The following TRAPPC6A variants were observed in gnomAD, a reference collection of about 807,000 sequenced individuals.
TRAPPC6A encodes the protein trafficking protein particle complex subunit 6A.
In TRAPPC6A, 25 loss-of-function variants were observed where a neutral mutation model predicts 20.8. That is an observed-to-expected ratio of 1.20 (90% CI 0.88 to 1.68). The LOEUF is 1.68. Among genes scored for constraint, TRAPPC6A ranks in the 40% most tolerant of loss-of-function variants. The pLI is 0.00. For missense variants in TRAPPC6A, 215 were observed against 211.6 expected (o/e 1.02, Z -0.10); for synonymous variants, 96 against 93.3 (o/e 1.03, Z -0.16).
rs1343801174 is a variant in TRAPPC6A at position 45,163,533 on chromosome 19, G to A, written c.449-310C>T. On this transcript the variant is annotated intron_variant, in intron 5 of 5. Coordinates refer to ENST00000585934, the MANE Select transcript of TRAPPC6A (RefSeq NM_001270891.2). The surrounding 1 kb of genome is among the most constrained non-coding windows in gnomAD (Gnocchi z 5.3). Reference sequence around the variant, plus strand: ...ACCGGCAGAGGCAAAATAACTGAAGGTGGGGGAGGTGGTGGGGCAGGCTGT... The same window carrying A: ...ACCGGCAGAGGCAAAATAACTGAAGATGGGGGAGGTGGTGGGGCAGGCTGT... Among the ~76,000 whole-genome samples, 2 of 152,098 alleles carry A rather than the reference G, an allele frequency of 1.3e-5. No homozygotes were observed. Among genetic ancestry groups the A allele is most frequent in the African/African-American group, 4.8e-5 (2 of 41,434 alleles).
At chr19:45,169,183 C>T (rs1000988871) in intron 1 of TRAPPC6A, among the ~76,000 whole-genome samples, 2 of 152,200 alleles carry the variant, frequency 1.3e-5, no homozygotes, top group South Asian at 2.1e-4. Context: ...GCACTACCAG[C>T]GGCGCAGGTG....
Position 45,172,083 on chromosome 19 carries a change from T to C in TRAPPC6A, c.84+6052A>G, listed in dbSNP as rs989687156. 4.6e-5 allele frequency among the ~76,000 whole-genome samples: 7 copies of C among 151,810 alleles called. No homozygotes were observed. The highest frequency in any genetic ancestry group is 1.7e-4 in the African/African-American group (7 of 41,226). On this transcript the variant is annotated intron_variant, in intron 1 of 5. Coordinates refer to ENST00000585934, the MANE Select transcript of TRAPPC6A (RefSeq NM_001270891.2). This position sits in a 1 kb window ranked among gnomAD's most constrained non-coding sequence, Gnocchi z 4.2. ...CCTTCCTGGCCCCTCTGGCCGGTCCTCCAGTTCACAACCTGTGACAGCCCA... is the reference window on the plus strand; with the variant it reads ...CCTTCCTGGCCCCTCTGGCCGGTCCCCCAGTTCACAACCTGTGACAGCCCA...
intron 1 of TRAPPC6A, among the ~76,000 whole-genome samples, chr19:45,167,237 T>A (rs73564240): frequency 6.6e-6 from 1 of 152,114 alleles, no homozygotes; most frequent in Non-Finnish European, 1.5e-5. Context: ...CGTAAGTCCT[T>A]ACCTAATGCT....
chr19:45,165,020 G>A, intron 2 of TRAPPC6A, 50 bp from the exon 3 acceptor site: 2 of 1,610,018 alleles, frequency 1.2e-6, no homozygotes, highest in Non-Finnish European at 1.7e-6. Context: ...CAGGAAGAGG[G>A]AGGAAGACAG....
At chr19:45,168,272 G>C (rs1969201373) in intron 1 of TRAPPC6A, among the ~76,000 whole-genome samples, 1 of 151,986 alleles carries the variant, frequency 6.6e-6, no homozygotes, top group South Asian at 2.1e-4. Context: ...CAAAGTGCTG[G>C]GATTATAGGC....
chr19:45,167,228 G>A (rs538153141), intron 1 of TRAPPC6A, among the ~76,000 whole-genome samples: 3 of 152,232 alleles, frequency 2.0e-5, no homozygotes, highest in Non-Finnish European at 2.9e-5. Context: ...AAAGGACACC[G>A]TAAGTCCTTA....
At position 45,173,496 on chromosome 19, in the gene TRAPPC6A, G is replaced by A. The variant is rs993307265; in HGVS notation, c.84+4639C>T. 1.8e-4 allele frequency among the ~76,000 whole-genome samples: 27 copies of A among 152,338 alleles called. No homozygotes were observed. The highest frequency in any genetic ancestry group is 6.3e-4 in the African/African-American group (26 of 41,582). ...AGAAGCCCTGGGGCCAGAAGCCTGA[G>A]TTCTAATTTTGCCTTTGAGTCTTGC... On this transcript the variant is annotated intron_variant, in intron 1 of 5. Coordinates refer to ENST00000585934, the MANE Select transcript of TRAPPC6A (RefSeq NM_001270891.2). This position sits in a 1 kb window ranked among gnomAD's most constrained non-coding sequence, Gnocchi z 4.8.
At chr19:45,177,396 A>C (rs956591198) in intron 1 of TRAPPC6A, among the ~76,000 whole-genome samples, 1 of 151,854 alleles carries the variant, frequency 6.6e-6, no homozygotes, top group African/African-American at 2.4e-5. Context: ...GCTGGAGTGC[A>C]ATGGCACAAT....
chr19:45,178,055 G>A (rs758073186), intron 1 of TRAPPC6A, 80 bp downstream of exon 1: 5 of 1,600,894 alleles, frequency 3.1e-6, no homozygotes, highest in Non-Finnish European at 4.3e-6. Flanking sequence ...TTCGAACCCG[G>A]ACGCCTGACG....
intron 1 of TRAPPC6A, among the ~76,000 whole-genome samples, chr19:45,165,453 T>G (rs1019323603): frequency 6.6e-6 from 1 of 152,222 alleles, no homozygotes; most frequent in Non-Finnish European, 1.5e-5. Flanking sequence ...CAGCTCCCCC[T>G]TCCCTCAGGA....
chr19:45,178,195 C>A lies in TRAPPC6A; in HGVS notation c.24G>T (p.Glu8Asp). The A allele has an allele frequency of 6.2e-7, 1 of 1,611,058 alleles. No homozygotes were observed. Among genetic ancestry groups the A allele is most frequent in the Non-Finnish European group, 8.5e-7 (1 of 1,177,802 alleles). Residue 8 changes from glutamate (E) to aspartate (D), a missense_variant, in exon 1 of 6, where the codon GAG becomes GAT. Coordinates refer to ENST00000585934, the MANE Select transcript of TRAPPC6A (RefSeq NM_001270891.2). MADTVLFEFLHTEMVAEL... is the reference protein window; with the variant it reads MADTVLFDFLHTEMVAEL... ...CAGCCACCATCTCCGTGTGAAGAAA[C>A]TCAAACAACACAGTATCCGCCATGC...
In TRAPPC6A at chr19:45,162,965, T is replaced by TG. The variant is rs1599728438; in HGVS notation, c.*226dup. 2.3e-6 allele frequency: 1 copy of TG among 430,700 alleles called. No homozygotes were observed. The highest frequency in any genetic ancestry group is 3.6e-5 in the East Asian group (1 of 27,634). The allele number at this position is 430,700 out of a possible 1,614,324, so 26.7% of individuals were successfully genotyped here. A position where few individuals can be genotyped will look rare whatever the true frequency, so the allele number is the denominator to read the frequency against. On this transcript the variant is annotated 3_prime_UTR_variant, in exon 6 of 6. Transcript: ENST00000585934. ...CACACAGCCTTTATTGAGCAGCTAC[T>TG]GGGCAGTGACGCTGCCGAGGCGGGA...
At position 45,162,990 on chromosome 19, in the gene TRAPPC6A, A is replaced by AGAAG; in HGVS notation, c.*201_*202insCTTC. On this transcript the variant is annotated 3_prime_UTR_variant, in exon 6 of 6. Transcript: ENST00000585934. ...TGGGCAGTGACGCTGCCGAGGCGGG[A>AGAAG]ATCCCACCACAGTCCTGACCGCAGC... The AGAAG allele has an allele frequency of 2.2e-6, 1 of 453,638 alleles. No homozygotes were observed. The highest frequency in any genetic ancestry group is 3.9e-6 in the Non-Finnish European group (1 of 259,494). 28.1% of individuals were successfully genotyped at this position (453,638 alleles called of 1,614,324 possible). A position where few individuals can be genotyped will look rare whatever the true frequency, so the allele number is the denominator to read the frequency against.
At chr19:45,175,177 C>T (rs1268866172) in intron 1 of TRAPPC6A, among the ~76,000 whole-genome samples, 1 of 151,454 alleles carries the variant, frequency 6.6e-6, no homozygotes, top group Non-Finnish European at 1.5e-5. Context: ...AGAAGAATGG[C>T]GTGAACCCGG....
intron 2 of TRAPPC6A, 68 bp downstream of exon 2, chr19:45,165,059 C>T (rs932315636): frequency 6.2e-7 from 1 of 1,610,504 alleles, no homozygotes; most frequent in African/African-American, 1.3e-5. Flanking sequence ...GCAATGCAAC[C>T]CTCCCCGCCC....
intron 1 of TRAPPC6A, among the ~76,000 whole-genome samples, chr19:45,168,089 G>A (rs1421521729): frequency 1.5e-5 from 2 of 133,816 alleles, no homozygotes; most frequent in African/African-American, 2.8e-5. Flanking sequence ...TGCAAGCTCC[G>A]CCTCCCGGGT....
intron 1 of TRAPPC6A, among the ~76,000 whole-genome samples, chr19:45,168,987 G>A (rs1410232069): frequency 6.6e-6 from 1 of 152,188 alleles, no homozygotes; most frequent in Non-Finnish European, 1.5e-5. Flanking sequence ...GGGTGACAAC[G>A]ACACGGCTTC....
At chr19:45,177,976 G>A (rs556802754) in intron 1 of TRAPPC6A, 159 bp downstream of exon 1, 1 of 1,374,656 alleles carries the variant, frequency 7.3e-7, no homozygotes, top group Non-Finnish European at 9.7e-7. Context: ...CGGCACCGTC[G>A]CGAACGCCAC....
intron 1 of TRAPPC6A, among the ~76,000 whole-genome samples, chr19:45,167,844 C>A (rs1969188618): frequency 6.6e-6 from 1 of 151,806 alleles, no homozygotes; most frequent in Admixed American, 6.6e-5. Flanking sequence ...ACAAAAAATA[C>A]AAAAGTTAGC....
Sources: allele counts gnomAD v4.1 joint callset (sites outside exome capture counted in the v4.1 genomes callset), GRCh38; gene constraint gnomAD v4.1.1; non-coding constraint Gnocchi (gnomAD v3.1); transcripts MANE v1.5; gene names NCBI Gene and HGNC (gene_info 2026-07-23, HGNC 2026-07-21).